Variants in SLC17A8 observed in about 807,000 individuals in gnomAD.
SLC17A8 encodes the protein solute carrier family 17 member 8.
A neutral mutation model predicts 58.0 loss-of-function variants in SLC17A8; 31 were observed. The ratio of observed to expected loss-of-function variants is 0.53; its 90% CI spans 0.40 to 0.72. The LOEUF (loss-of-function observed/expected upper bound fraction) is 0.72. Among genes scored for constraint, SLC17A8 ranks in the 30% least tolerant of loss-of-function variants. The pLI, the probability that SLC17A8 is intolerant of heterozygous loss-of-function variation, is 0.00. For synonymous variants in SLC17A8, 228 were observed against 249.0 expected (o/e 0.92, Z 0.79); for missense variants, 655 against 727.8 (o/e 0.90, Z 1.15).
chr12:100,400,139 T>G (rs963265841), intron 5 of SLC17A8, among the ~76,000 whole-genome samples: 1 of 152,156 alleles, frequency 6.6e-6, no homozygotes, highest in Admixed American at 6.5e-5. Flanking sequence ...ATTCTCTACC[T>G]GCCCCTGTCC....
intron 5 of SLC17A8, among the ~76,000 whole-genome samples, chr12:100,398,933 T>C (rs1162360808): frequency 6.6e-6 from 1 of 152,174 alleles, no homozygotes; most frequent in Non-Finnish European, 1.5e-5. Flanking sequence ...AGATGTGACT[T>C]GCTCTTCTAT....
chr12:100,368,746 T>A (rs965791245), intron 1 of SLC17A8, among the ~76,000 whole-genome samples: 2 of 152,228 alleles, frequency 1.3e-5, no homozygotes, highest in African/African-American at 4.8e-5. Context: ...TTCTCCCAAG[T>A]ACTTTTACAA....
intron 9 of SLC17A8, among the ~76,000 whole-genome samples, chr12:100,411,300 G>A (rs1952865781): frequency 6.6e-6 from 1 of 152,194 alleles, no homozygotes; most frequent in Non-Finnish European, 1.5e-5. Flanking sequence ...GGCCAACATG[G>A]TGAAACCCCA....
chr12:100,376,040 T>C (rs777994059), intron 1 of SLC17A8, among the ~76,000 whole-genome samples: 5 of 152,080 alleles, frequency 3.3e-5, no homozygotes, highest in Non-Finnish European at 7.3e-5. Context: ...GATGTCCTTA[T>C]ATGAAGAAAA....
At chr12:100,393,013 T>A (rs1293204896) in intron 3 of SLC17A8, among the ~76,000 whole-genome samples, 1 of 152,210 alleles carries the variant, frequency 6.6e-6, no homozygotes. Flanking sequence ...TTGTTCATAG[T>A]TGGTCCAGGG....
At chr12:100,375,669 G>A (rs1430402494) in intron 1 of SLC17A8, among the ~76,000 whole-genome samples, 2 of 152,212 alleles carry the variant, frequency 1.3e-5, no homozygotes, top group Non-Finnish European at 2.9e-5. Flanking sequence ...TTCATCTAAA[G>A]CATCTGCATG....
intron 1 of SLC17A8, among the ~76,000 whole-genome samples, chr12:100,379,440 A>AAAG: frequency 6.6e-6 from 1 of 151,404 alleles, no homozygotes; most frequent in African/African-American, 2.4e-5. Context: ...GTCCCCAAAA[A>AAAG]AAAAAAAAAA....
At chr12:100,392,031 CG>C (rs1427958710) in intron 3 of SLC17A8, among the ~76,000 whole-genome samples, 2 of 151,958 alleles carry the variant, frequency 1.3e-5, no homozygotes, top group Admixed American at 6.6e-5. Context: ...TCTCTGTCAC[CG>C]GAGGTATTCA....
chr12:100,385,212 T>C (rs1048085258), intron 2 of SLC17A8, among the ~76,000 whole-genome samples: 1 of 150,250 alleles, frequency 6.7e-6, no homozygotes, highest in African/African-American at 2.5e-5. Flanking sequence ...GAGCCTAGCC[T>C]ATGGCTTTGC....
intron 1 of SLC17A8, among the ~76,000 whole-genome samples, chr12:100,358,891 C>T (rs1170168579): frequency 6.6e-6 from 1 of 152,158 alleles, no homozygotes; most frequent in African/African-American, 2.4e-5. Flanking sequence ...CCTGTAATCC[C>T]AGCACTTTGG....
chr12:100,357,260 G>A lies in SLC17A8; in HGVS notation c.-132G>A. On this transcript the variant is annotated 5_prime_UTR_variant, in exon 1 of 12. Coordinates refer to ENST00000323346, the MANE Select transcript of SLC17A8 (RefSeq NM_139319.3). ...GGTTTCATCTCCTTTTTGATTTTGA[G>A]TAGTTCCCTCCACGAGAACTGACTT... The A allele has an allele frequency of 1.4e-6, 1 of 739,394 alleles. No individual in the cohort carries two copies. The highest frequency in any genetic ancestry group is 1.4e-5 in the South Asian group (1 of 70,984). The allele number at this position is 739,394 out of a possible 1,614,324, so 45.8% of individuals were successfully genotyped here.
intron 11 of SLC17A8, among the ~76,000 whole-genome samples, chr12:100,419,025 T>C (rs1219297916): frequency 6.6e-6 from 1 of 152,004 alleles, no homozygotes; most frequent in African/African-American, 2.4e-5. Context: ...TTTGACATAC[T>C]TTTTTTTACA....
intron 5 of SLC17A8, among the ~76,000 whole-genome samples, chr12:100,398,987 G>T (rs951237831): frequency 1.3e-5 from 2 of 152,166 alleles, no homozygotes; most frequent in African/African-American, 4.8e-5. Context: ...ACGTGGAACT[G>T]TGAGTCCAAT....
chr12:100,395,864 C>A (rs1373481309), intron 4 of SLC17A8, among the ~76,000 whole-genome samples: 1 of 152,334 alleles, frequency 6.6e-6, no homozygotes, highest in South Asian at 2.1e-4. Context: ...CCACCCACCT[C>A]GGCCTCTCAA....
chr12:100,419,394 C>T (rs1952930615), intron 11 of SLC17A8, among the ~76,000 whole-genome samples: 1 of 151,932 alleles, frequency 6.6e-6, no homozygotes, highest in Non-Finnish European at 1.5e-5. Flanking sequence ...ATTAGCCAGG[C>T]GTGGTGGCGG....
intron 2 of SLC17A8, 92 bp from the exon 3 acceptor site, chr12:100,390,909 T>C: frequency 4.7e-6 from 4 of 845,380 alleles, no homozygotes; most frequent in Non-Finnish European, 8.3e-6. Context: ...AAGAAAGACC[T>C]CATGAGGTAA....
chr12:100,404,202 C>T (rs1053467440), intron 9 of SLC17A8, 32 bp downstream of exon 9: 2 of 1,613,610 alleles, frequency 1.2e-6, no homozygotes, highest in Non-Finnish European at 1.7e-6. Context: ...GCTTAGGCAG[C>T]TTTTGTAGAA....
intron 1 of SLC17A8, among the ~76,000 whole-genome samples, chr12:100,377,727 T>C (rs1952605128): frequency 6.6e-6 from 1 of 151,642 alleles, no homozygotes; most frequent in South Asian, 2.1e-4. Flanking sequence ...TAGCTGGGAC[T>C]ACAGGCGCGT....
At chr12:100,401,675 G>T (rs973376137) in intron 5 of SLC17A8, 102 bp from the exon 6 acceptor site, 8 of 979,402 alleles carry the variant, frequency 8.2e-6, no homozygotes, top group South Asian at 2.6e-5. Context: ...TCTGATTCCT[G>T]CTCAGTTTGA....
Sources: gnomAD v4.1 joint callset for allele counts (sites outside exome capture counted in the v4.1 genomes callset) on GRCh38, gnomAD v4.1.1 for gene constraint, MANE v1.5 for transcripts, NCBI Gene and HGNC (gene_info 2026-07-23, HGNC 2026-07-21) for gene names.